Variants in SLC35D4 observed in about 807,000 individuals in gnomAD.
The protein encoded by SLC35D4 is solute carrier family 35 member D4, also known as UDP-N-acetylglucosamine transporter SLC35D4.
the SLC35D4 span, among the ~76,000 whole-genome samples, chr18:23,285,367 A>G: frequency 2.0e-5 from 3 of 151,488 alleles, no homozygotes; most frequent in African/African-American, 7.3e-5. Context: ...AACCTCTTCA[A>G]CTCTCGCCTG....
chr18:23,270,925 C>T, the SLC35D4 span, among the ~76,000 whole-genome samples: 1 of 152,168 alleles, frequency 6.6e-6, no homozygotes, highest in Non-Finnish European at 1.5e-5. Flanking sequence ...TGCCTTAAGA[C>T]TTTGGAAAAC....
the SLC35D4 span, chr18:23,252,964 C>A: frequency 6.2e-7 from 1 of 1,605,460 alleles, no homozygotes; most frequent in Non-Finnish European, 8.5e-7. Context: ...TTACAGACAA[C>A]AGTGATTGAC....
chr18:23,433,242 G>A, the SLC35D4 span, among the ~76,000 whole-genome samples: 3 of 151,760 alleles, frequency 2.0e-5, no homozygotes, highest in Admixed American at 6.6e-5. Context: ...GGCTACTCTC[G>A]AACTCCTGAC....
chr18:23,425,623 G>A, the SLC35D4 span, among the ~76,000 whole-genome samples: 1 of 152,200 alleles, frequency 6.6e-6, no homozygotes, highest in Non-Finnish European at 1.5e-5. Flanking sequence ...CCCAGCATCA[G>A]GAGAGAGTAT....
chr18:23,301,996 G>A, the SLC35D4 span, among the ~76,000 whole-genome samples: 5 of 152,132 alleles, frequency 3.3e-5, no homozygotes, highest in Admixed American at 6.5e-5. Flanking sequence ...TGAGTACTTC[G>A]GTTTATAATT....
chr18:23,389,549 G>T, the SLC35D4 span, among the ~76,000 whole-genome samples: 4 of 151,898 alleles, frequency 2.6e-5, no homozygotes, highest in African/African-American at 9.7e-5. Flanking sequence ...AAGACAGTTT[G>T]CACCTTTTTT....
At chr18:23,423,443 A>G in the SLC35D4 span, among the ~76,000 whole-genome samples, 1 of 152,154 alleles carries the variant, frequency 6.6e-6, no homozygotes, top group Non-Finnish European at 1.5e-5. Context: ...CAACCGGGGG[A>G]GAGGAGCGGA....
the SLC35D4 span, among the ~76,000 whole-genome samples, chr18:23,286,494 C>T: frequency 1.3e-5 from 2 of 152,162 alleles, no homozygotes; most frequent in African/African-American, 2.4e-5. Flanking sequence ...TGACTGACTC[C>T]TTCCCAGATC....
the SLC35D4 span, among the ~76,000 whole-genome samples, chr18:23,436,366 A>G: frequency 3.3e-5 from 5 of 152,182 alleles, no homozygotes; most frequent in Non-Finnish European, 7.3e-5. Context: ...GTCCCATCTT[A>G]AAGTTAAGAA....
At chr18:23,372,119 T>A in the SLC35D4 span, among the ~76,000 whole-genome samples, 7 of 149,156 alleles carry the variant, frequency 4.7e-5, no homozygotes, top group Admixed American at 2.0e-4. Context: ...GTATTTTTAG[T>A]AGAGACGGGG....
At chr18:23,264,948 A>G in the SLC35D4 span, among the ~76,000 whole-genome samples, 2 of 152,168 alleles carry the variant, frequency 1.3e-5, no homozygotes, top group Admixed American at 6.5e-5. Context: ...CCCGGCCTAC[A>G]CTTTTAAATA....
At chr18:23,325,934 G>A in the SLC35D4 span, among the ~76,000 whole-genome samples, 1 of 152,192 alleles carries the variant, frequency 6.6e-6, no homozygotes, top group African/African-American at 2.4e-5. Flanking sequence ...ATCTCTTAAA[G>A]CCTGCGGACA....
At chr18:23,351,269 T>C in the SLC35D4 span, among the ~76,000 whole-genome samples, 977 of 152,024 alleles carry the variant, frequency 6.4e-3, 11 homozygotes, top group African/African-American at 0.023. Flanking sequence ...TAGCTGGGTG[T>C]GGTGGCGCAC....
At chr18:23,400,371 C>T in the SLC35D4 span, among the ~76,000 whole-genome samples, 3 of 152,174 alleles carry the variant, frequency 2.0e-5, no homozygotes, top group African/African-American at 7.2e-5. Flanking sequence ...GGCCTGTAAT[C>T]CCAGCACTTT....
the SLC35D4 span, among the ~76,000 whole-genome samples, chr18:23,393,960 A>G: frequency 6.6e-6 from 1 of 152,148 alleles, no homozygotes; most frequent in Non-Finnish European, 1.5e-5. Context: ...TCATCCATCA[A>G]TGGGCACTGA....
the SLC35D4 span, among the ~76,000 whole-genome samples, chr18:23,312,272 C>T: frequency 4.6e-5 from 7 of 152,106 alleles, no homozygotes; most frequent in African/African-American, 9.7e-5. Context: ...TCCTGTCTGC[C>T]GTGAGATAGA....
the SLC35D4 span, among the ~76,000 whole-genome samples, chr18:23,362,778 C>T: frequency 2.0e-5 from 3 of 152,188 alleles, no homozygotes; most frequent in African/African-American, 7.2e-5. Flanking sequence ...CTTAACTCCT[C>T]AGGGTTTCAA....
At chr18:23,384,916 G>T in the SLC35D4 span, 94 of 1,372,768 alleles carry the variant, frequency 6.8e-5, 1 homozygote, top group African/African-American at 1.2e-3. Flanking sequence ...CACTAATTTG[G>T]GCCATAAAAA....
At chr18:23,242,781 G>A in the SLC35D4 span, among the ~76,000 whole-genome samples, 1 of 152,132 alleles carries the variant, frequency 6.6e-6, no homozygotes, top group Non-Finnish European at 1.5e-5. Context: ...ATGATAAAAT[G>A]CCTATTTTTT....
Sources: gnomAD v4.1 joint callset for allele counts (sites outside exome capture counted in the v4.1 genomes callset) on GRCh38, gnomAD v4.1.1 for gene constraint, MANE v1.5 for transcripts, NCBI Gene and HGNC (gene_info 2026-07-23, HGNC 2026-07-21) for gene names.